Variants in IMMP2L observed in about 807,000 individuals in gnomAD.
IMMP2L encodes the protein inner mitochondrial membrane peptidase subunit 2.
In IMMP2L, 18 loss-of-function variants were observed where a neutral mutation model predicts 19.3. That is an observed-to-expected ratio of 0.93 (90% CI 0.64 to 1.38). IMMP2L has a LOEUF of 1.38. Ranked by LOEUF, IMMP2L falls within the 40% of genes most tolerant of loss-of-function variation. The probability of loss-of-function intolerance (pLI) is 0.00; values close to 1 mark genes in which losing one functional copy is unlikely to be tolerated. For synonymous variants in IMMP2L, 76 were observed against 73.0 expected, an observed-to-expected ratio of 1.04 and a Z score of -0.21; for missense variants, 233 against 218.2, an observed-to-expected ratio of 1.07 and a Z score of -0.43.
chr7:111,530,147 T>C (rs917948487), intron 1 of IMMP2L, among the ~76,000 whole-genome samples: 2 of 152,186 alleles, frequency 1.3e-5, no homozygotes, highest in African/African-American at 4.8e-5. Context: ...GAAATTACTT[T>C]ATCTCAGTAA....
intron 1 of IMMP2L, among the ~76,000 whole-genome samples, chr7:111,547,310 C>A (rs1849014711): frequency 6.6e-6 from 1 of 152,110 alleles, no homozygotes; most frequent in South Asian, 2.1e-4. Flanking sequence ...GGGCTTGGAA[C>A]AATCACTGTT....
At chr7:110,813,239 G>A (rs1156685294) in intron 5 of IMMP2L, among the ~76,000 whole-genome samples, 1 of 151,926 alleles carries the variant, frequency 6.6e-6, no homozygotes, top group Non-Finnish European at 1.5e-5. Flanking sequence ...ATTTTAAACT[G>A]AAACTCCCTC....
Position 111,256,782 on chromosome 7 carries a change from A to G in IMMP2L, c.239+230456T>C, listed in dbSNP as rs114401437. Among the ~76,000 whole-genome samples, 1,319 of 152,188 alleles carry G rather than the reference A, an allele frequency of 8.7e-3. 23 individuals carry two copies. Among genetic ancestry groups the G allele is most frequent in the African/African-American group, 0.03 (1,244 of 41,538 alleles). ...CCCTGAACTGACACATTAAATTATC[A>G]TATACTGTGAATTCACACCCTCTGA... is the stretch of plus-strand genomic sequence containing the variant. On this transcript the variant is annotated intron_variant, in intron 3 of 5. Transcript: ENST00000405709.
intron 3 of IMMP2L, among the ~76,000 whole-genome samples, chr7:111,058,263 G>A: frequency 6.6e-6 from 1 of 152,088 alleles, no homozygotes; most frequent in East Asian, 1.9e-4. Flanking sequence ...TCAAACAAAA[G>A]ACAACTAATA....
chr7:111,214,460 G>A (rs555159911), intron 3 of IMMP2L, among the ~76,000 whole-genome samples: 142 of 139,644 alleles, frequency 1.0e-3, no homozygotes, highest in Non-Finnish European at 1.5e-3. Context: ...CTCCTGCCTC[G>A]GCCTCCCTAG....
chr7:110,895,245 T>C (rs1811207321), intron 4 of IMMP2L, among the ~76,000 whole-genome samples: 1 of 152,162 alleles, frequency 6.6e-6, no homozygotes, highest in South Asian at 2.1e-4. Context: ...TCTGCCCCCA[T>C]AATTCAATCA....
intron 2 of IMMP2L, among the ~76,000 whole-genome samples, 166 bp downstream of exon 2, chr7:111,521,147 G>A (rs1846288561): frequency 6.6e-6 from 1 of 152,064 alleles, no homozygotes; most frequent in African/African-American, 2.4e-5. Flanking sequence ...TAATACGACT[G>A]TATTAGAAGA....
intron 3 of IMMP2L, among the ~76,000 whole-genome samples, chr7:111,141,355 A>AT (rs1184323616): frequency 1.3e-5 from 2 of 151,952 alleles, no homozygotes; most frequent in Non-Finnish European, 2.9e-5. Flanking sequence ...TTTTATCACA[A>AT]TTTTTTGTTA....
intron 5 of IMMP2L, among the ~76,000 whole-genome samples, chr7:110,835,753 TA>T: frequency 6.6e-6 from 1 of 151,556 alleles, no homozygotes; most frequent in Middle Eastern, 3.4e-3. Flanking sequence ...CAATAAATGT[TA>T]AATAACAGAA....
chr7:110,789,980 A>G (rs952810523), intron 5 of IMMP2L, among the ~76,000 whole-genome samples: 1 of 151,586 alleles, frequency 6.6e-6, no homozygotes, highest in Non-Finnish European at 1.5e-5. Flanking sequence ...TTATTCTTCT[A>G]ATTTTGACTT....
At chr7:111,104,120 AC>A (rs950701478) in intron 3 of IMMP2L, among the ~76,000 whole-genome samples, 1 of 151,720 alleles carries the variant, frequency 6.6e-6, no homozygotes, top group Non-Finnish European at 1.5e-5. Flanking sequence ...TATTCAGGCA[AC>A]TTTTTTGAAA....
chr7:111,047,761 C>T (rs1293789053), intron 3 of IMMP2L, among the ~76,000 whole-genome samples: 1 of 152,144 alleles, frequency 6.6e-6, no homozygotes, highest in Admixed American at 6.5e-5. Context: ...TAGTTAACAA[C>T]CCAGCCATTG....
Position 110,760,918 on chromosome 7 carries a change from T to C in IMMP2L, c.409-97197A>G, listed in dbSNP as rs1460600750. On this transcript the variant is annotated intron_variant, in intron 5 of 5. Transcript: ENST00000405709. This position sits in a 1 kb window ranked among gnomAD's most constrained non-coding sequence, Gnocchi z 4.2. ...GGAGCCAGAGAAGTCAAACCAGATG[T>C]ATAAGTGACATAAGTGGGTTGGAGA... 6.6e-6 allele frequency among the ~76,000 whole-genome samples: 1 copy of C among 152,048 alleles called. No homozygotes were observed. Among genetic ancestry groups the C allele is most frequent in the Non-Finnish European group, 1.5e-5 (1 of 67,996 alleles).
At chr7:110,889,157 GA>G (rs1441290651) in intron 4 of IMMP2L, among the ~76,000 whole-genome samples, 15 of 152,176 alleles carry the variant, frequency 9.9e-5, no homozygotes, top group African/African-American at 3.4e-4. Flanking sequence ...AGGCAGTAGG[GA>G]CTGATTTAAT....
At chr7:110,861,111 G>GAGAGAGAGAGAGAGAGAGAC (rs1807361800) in intron 5 of IMMP2L, among the ~76,000 whole-genome samples, 2 of 132,522 alleles carry the variant, frequency 1.5e-5, no homozygotes, top group Admixed American at 7.8e-5. Flanking sequence ...GAGAGAGAGA[G>GAGAGAGAGAGAGAGAGAGAC]AGAGAGAGAG....
intron 4 of IMMP2L, among the ~76,000 whole-genome samples, chr7:110,939,931 A>C (rs1399721906): frequency 6.6e-6 from 1 of 152,208 alleles, no homozygotes; most frequent in Non-Finnish European, 1.5e-5. Flanking sequence ...CATGTGGGCA[A>C]AACAGTAGTA....
At chr7:110,962,874 T>G in intron 4 of IMMP2L, 1 of 1,321,328 alleles carries the variant, frequency 7.6e-7, no homozygotes, top group Non-Finnish European at 9.6e-7. Context: ...CTACAACTTG[T>G]TTAAAGAAAG....
intron 3 of IMMP2L, among the ~76,000 whole-genome samples, chr7:111,239,631 T>C (rs1814761598): frequency 6.6e-6 from 1 of 151,968 alleles, no homozygotes; most frequent in African/African-American, 2.4e-5. Flanking sequence ...TTGTAATCTC[T>C]TTATCTCTGA....
At chr7:111,486,769 A>G (rs899373669) in intron 3 of IMMP2L, among the ~76,000 whole-genome samples, 2 of 152,134 alleles carry the variant, frequency 1.3e-5, no homozygotes, top group Non-Finnish European at 2.9e-5. Flanking sequence ...TTGGACCCAA[A>G]CAGAAGCATC....
Sources: gnomAD v4.1 joint callset for allele counts (sites outside exome capture counted in the v4.1 genomes callset) on GRCh38, gnomAD v4.1.1 for gene constraint, Gnocchi (gnomAD v3.1) non-coding constraint, MANE v1.5 for transcripts, NCBI Gene and HGNC (gene_info 2026-07-23, HGNC 2026-07-21) for gene names.